NDE1: variants seen among roughly 807,000 people sequenced by gnomAD.
The protein encoded by NDE1 is nudE neurodevelopment protein 1, also known as nuclear distribution protein nudE homolog 1.
NDE1 carries 28 observed loss-of-function variants against 43.4 expected under a neutral mutation model. The ratio of observed to expected loss-of-function variants is 0.65; its 90% CI spans 0.48 to 0.89. NDE1 has a LOEUF of 0.89. Among genes scored for constraint, NDE1 ranks in the 40% least tolerant of loss-of-function variants. The pLI is 0.00. For missense variants in NDE1, 441 were observed against 434.1 expected (o/e 1.02, Z -0.14); for synonymous variants, 184 against 172.0 (o/e 1.07, Z -0.55).
rs990748139 is a variant in NDE1 at position 15,694,358 on chromosome 16, T to G, written c.795+102T>G. ...CTTCCCTCTCTTCTTTTTTTCTTTTTTTTTAGAGACAGGGTCTTGCTCTGT... is the reference window on the plus strand; with the variant it reads ...CTTCCCTCTCTTCTTTTTTTCTTTTGTTTTAGAGACAGGGTCTTGCTCTGT... On this transcript the variant is annotated intron_variant, in intron 7 of 8. Transcript: ENST00000396354. 12 of 1,546,636 alleles carry G rather than the reference T, an allele frequency of 7.8e-6. No homozygotes were observed. In the Admixed American group the frequency reaches 1.2e-4, roughly 15 times the overall value.
chr16:15,718,378 C>G, intron 8 of NDE1: 2 of 1,606,246 alleles, frequency 1.2e-6, no homozygotes, highest in Non-Finnish European at 1.7e-6. Flanking sequence ...CCTCCTCCAG[C>G]TCCTCCTCCA....
intron 8 of NDE1, chr16:15,717,694 G>C (rs1200166438): frequency 5.2e-6 from 2 of 383,908 alleles, no homozygotes; most frequent in Non-Finnish European, 9.7e-6. Context: ...TACTTGGGAG[G>C]TTGAAGCAGG....
chr16:15,713,422 CAG>C (rs959844629), intron 8 of NDE1: 3 of 152,120 alleles, frequency 2.0e-5, no homozygotes, highest in African/African-American at 7.2e-5. Context: ...TGAAAAGCAG[CAG>C]AGAGTGAGAA....
At chr16:15,680,326 G>T (rs1297175077) in intron 4 of NDE1, among the ~76,000 whole-genome samples, 1 of 152,082 alleles carries the variant, frequency 6.6e-6, no homozygotes, top group Non-Finnish European at 1.5e-5. Context: ...TTCTATCCCT[G>T]GAGCTTTAGG....
chr16:15,686,438 G>T lies in NDE1; in HGVS notation c.387-937G>T. The T allele has an allele frequency of 6.1e-6, 6 of 985,428 alleles. No homozygotes were observed. The South Asian group carries it at 2.8e-4, about 46-fold the overall frequency. The allele number at this position is 985,428 out of a possible 1,614,324, so 61.0% of individuals were successfully genotyped here. A position where few individuals can be genotyped will look rare whatever the true frequency, so the allele number is the denominator to read the frequency against. On this transcript the variant is annotated intron_variant, in intron 4 of 8. Coordinates refer to ENST00000396354, the MANE Select transcript of NDE1 (RefSeq NM_017668.3). ...GTGTTTATGCCCTTCACAAGAAGGG[G>T]TTGTGAGCAGGGCAGCTGGGCTGGT...
Position 15,719,677 on chromosome 16 carries a change from C to T in NDE1, c.948-4514C>T, listed in dbSNP as rs1475779964. 4 of 1,614,082 alleles carry T rather than the reference C, an allele frequency of 2.5e-6. No individual in the cohort carries two copies. The highest frequency in any genetic ancestry group is 3.4e-6 in the Non-Finnish European group (4 of 1,180,038). ...AAGATCTCATCTCTGGAGGCACGGG[C>T]ATCTTCCAGCTCTCTTTGAAAGTCC... On this transcript the variant is annotated intron_variant, in intron 8 of 8. Coordinates refer to ENST00000396354, the MANE Select transcript of NDE1 (RefSeq NM_017668.3).
chr16:15,679,009 G>A (rs62036935), intron 4 of NDE1, among the ~76,000 whole-genome samples: 11,636 of 152,134 alleles, frequency 0.076, 570 homozygotes, highest in East Asian at 0.27. Context: ...TGGGAAGGGC[G>A]GAGCGTGTAG....
intron 8 of NDE1, chr16:15,715,128 C>A (rs1167454657): frequency 6.2e-7 from 1 of 1,605,716 alleles, no homozygotes; most frequent in Non-Finnish European, 8.5e-7. Flanking sequence ...CGGCTGGGGG[C>A]TGGGGGCTCG....
intron 8 of NDE1, chr16:15,701,527 AG>A (rs1300803471): frequency 2.0e-5 from 3 of 152,244 alleles, no homozygotes; most frequent in Non-Finnish European, 2.9e-5. Flanking sequence ...TGAAGTAACC[AG>A]GGTGACCATC....
intron 5 of NDE1, among the ~76,000 whole-genome samples, chr16:15,688,486 A>AT (rs2038552511): frequency 6.6e-6 from 1 of 151,046 alleles, no homozygotes; most frequent in Non-Finnish European, 1.5e-5. Flanking sequence ...AATAGAAAAC[A>AT]TGAGGGTATG....
At chr16:15,699,448 G>C (rs2039149195) in intron 8 of NDE1, 1 of 807,960 alleles carries the variant, frequency 1.2e-6, no homozygotes, top group Non-Finnish European at 1.5e-6. Flanking sequence ...ATTTTTCATA[G>C]AGACAGGGTC....
intron 4 of NDE1, chr16:15,687,081 C>T (rs1392394069): frequency 1.4e-5 from 18 of 1,268,092 alleles, no homozygotes; most frequent in African/African-American, 3.0e-5. Flanking sequence ...CCACCAAATG[C>T]CACATGCAGT....
intron 8 of NDE1, chr16:15,720,822 T>TC (rs1567694693): frequency 1.2e-5 from 19 of 1,612,550 alleles, no homozygotes; most frequent in Non-Finnish European, 1.5e-5. Context: ...TCTGCTGGCC[T>TC]CCCCGGCAGC....
chr16:15,695,844 T>C (rs1440618116), intron 7 of NDE1: 4 of 389,594 alleles, frequency 1.0e-5, no homozygotes, highest in Non-Finnish European at 1.4e-5. Context: ...CAGTGTCCTT[T>C]TGGTTTCCTC....
intron 8 of NDE1, among the ~76,000 whole-genome samples, chr16:15,700,954 G>A (rs1380083873): frequency 6.6e-6 from 1 of 152,082 alleles, no homozygotes; most frequent in African/African-American, 2.4e-5. Flanking sequence ...AACTGGAATA[G>A]GCTGGGCGCG....
intron 2 of NDE1, among the ~76,000 whole-genome samples, 184 bp downstream of exon 2, chr16:15,665,045 T>C (rs2037232285): frequency 1.3e-5 from 2 of 151,714 alleles, no homozygotes; most frequent in Admixed American, 1.3e-4. Context: ...ATAGGTGTGC[T>C]TCATCAGGCC....
intron 1 of NDE1, among the ~76,000 whole-genome samples, chr16:15,662,816 C>T (rs994617437): frequency 2.0e-5 from 3 of 151,982 alleles, no homozygotes; most frequent in Admixed American, 6.6e-5. Context: ...CAGGCTCAAG[C>T]GATCTGCCTA....
intron 5 of NDE1, among the ~76,000 whole-genome samples, chr16:15,688,284 T>G (rs1019177860): frequency 1.3e-5 from 2 of 152,126 alleles, no homozygotes; most frequent in African/African-American, 4.8e-5. Context: ...CTTTGAAACC[T>G]CATCAGCATT....
At chr16:15,710,895 C>T (rs1413484183) in intron 8 of NDE1, among the ~76,000 whole-genome samples, 1 of 152,104 alleles carries the variant, frequency 6.6e-6, no homozygotes, top group Non-Finnish European at 1.5e-5. Context: ...CCAGGCTGGT[C>T]TCGAACTCCT....
Sources: allele counts gnomAD v4.1 joint callset (sites outside exome capture counted in the v4.1 genomes callset), GRCh38; gene constraint gnomAD v4.1.1; transcripts MANE v1.5; gene names NCBI Gene and HGNC (gene_info 2026-07-23, HGNC 2026-07-21).